Variants in CACNG3 observed in about 807,000 individuals in gnomAD.
CACNG3 encodes the protein voltage-dependent calcium channel gamma-3 subunit.
Under a neutral mutation model 28.5 loss-of-function variants are expected in CACNG3, and 3 were observed. That is an observed-to-expected ratio of 0.11 (90% CI 0.05 to 0.27). The LOEUF (loss-of-function observed/expected upper bound fraction) is 0.27, where lower values mean the gene tolerates loss of function less well. CACNG3 is among the 10% of genes least tolerant of loss of function. CACNG3 has a pLI of 1.00. For synonymous variants in CACNG3, 174 were observed against 162.2 expected, an observed-to-expected ratio of 1.07 and a Z score of -0.55; for missense variants, 236 against 414.4, an observed-to-expected ratio of 0.57 and a Z score of 3.74.
chr16:24,308,067 A>C (rs954826030), intron 1 of CACNG3, among the ~76,000 whole-genome samples: 1 of 152,108 alleles, frequency 6.6e-6, no homozygotes, highest in African/African-American at 2.4e-5. Context: ...CCCCCACGGC[A>C]CTCTGAACTG....
intron 1 of CACNG3, among the ~76,000 whole-genome samples, chr16:24,343,957 C>T (rs1455245929): frequency 6.6e-6 from 1 of 151,802 alleles, no homozygotes; most frequent in Non-Finnish European, 1.5e-5. Flanking sequence ...GGCATGGTGG[C>T]AGGCGCCTTT....
In CACNG3 at chr16:24,324,839, C is replaced by T. The variant is rs1474764634; in HGVS notation, c.212-21895C>T. Among the ~76,000 whole-genome samples the T allele has an allele frequency of 2.0e-5, 3 of 152,168 alleles. No individual in the cohort carries two copies. In the East Asian group the frequency reaches 5.8e-4, roughly 29 times the overall value. On this transcript the variant is annotated intron_variant, in intron 1 of 3. Transcript: ENST00000005284. ...CTACAAGGCCAGCCCTTCCTCTTCC[C>T]TCTGCCTGCACTGCTTGCCCTGATT...
At chr16:24,350,488 G>T (rs773820132) in intron 2 of CACNG3, among the ~76,000 whole-genome samples, 1 of 151,962 alleles carries the variant, frequency 6.6e-6, no homozygotes, top group East Asian at 1.9e-4. Context: ...TTTTTGTAGA[G>T]TTGGGGTCCC....
chr16:24,285,330 G>T (rs1053629266), intron 1 of CACNG3, among the ~76,000 whole-genome samples: 3 of 152,140 alleles, frequency 2.0e-5, no homozygotes, highest in South Asian at 2.1e-4. Context: ...TCTCTTCAAA[G>T]ATTATAAGAG....
chr16:24,327,885 T>C (rs1178100554), intron 1 of CACNG3, among the ~76,000 whole-genome samples: 2 of 152,070 alleles, frequency 1.3e-5, no homozygotes, highest in African/African-American at 4.8e-5. Context: ...GAGGCTGCAG[T>C]GAGCTATGAT....
chr16:24,339,966 A>G (rs889722792), intron 1 of CACNG3, among the ~76,000 whole-genome samples: 1 of 152,178 alleles, frequency 6.6e-6, no homozygotes, highest in Non-Finnish European at 1.5e-5. Flanking sequence ...TAGGGTGAAT[A>G]TGGTTAACAA....
At chr16:24,338,721 A>T (rs1899742958) in intron 1 of CACNG3, among the ~76,000 whole-genome samples, 2 of 152,262 alleles carry the variant, frequency 1.3e-5, no homozygotes, top group South Asian at 4.1e-4. Context: ...AGTTCTGAGG[A>T]TCAAGACCGT....
intron 1 of CACNG3, among the ~76,000 whole-genome samples, chr16:24,322,430 GC>G (rs1470243921): frequency 1.3e-5 from 2 of 151,940 alleles, no homozygotes; most frequent in African/African-American, 4.8e-5. Flanking sequence ...CTTCTCCTCT[GC>G]CCCCTCCCCA....
intron 1 of CACNG3, among the ~76,000 whole-genome samples, chr16:24,294,784 G>A (rs2238507): frequency 0.69 from 104,803 of 152,068 alleles, 36,243 homozygotes; most frequent in East Asian, 0.81. Flanking sequence ...CTTGCCTGCC[G>A]TAAGAGTCTT....
chr16:24,342,305 G>A (rs1281687046), intron 1 of CACNG3, among the ~76,000 whole-genome samples: 2 of 152,166 alleles, frequency 1.3e-5, no homozygotes, highest in East Asian at 3.9e-4. Context: ...AAATGCAGAA[G>A]CTTACTTAAT....
intron 1 of CACNG3, among the ~76,000 whole-genome samples, chr16:24,261,243 G>A (rs1380600786): frequency 2.0e-5 from 3 of 152,156 alleles, no homozygotes; most frequent in African/African-American, 7.2e-5. Context: ...GGCGGGTAAC[G>A]GTAGATTTGA....
chr16:24,335,720 G>A (rs1899693969), intron 1 of CACNG3, among the ~76,000 whole-genome samples: 1 of 152,068 alleles, frequency 6.6e-6, no homozygotes, highest in Non-Finnish European at 1.5e-5. Flanking sequence ...TACCCAAAGA[G>A]CCCTTACCCA....
chr16:24,284,533 GCATTTATAATTGGTGT>G (rs1331060564), intron 1 of CACNG3, among the ~76,000 whole-genome samples: 1 of 152,098 alleles, frequency 6.6e-6, no homozygotes, highest in African/African-American at 2.4e-5. Context: ...GTCTCCGACT[GCATTTATAATTGGTGT>G]CATTTCTTCC....
At chr16:24,288,542 T>C (rs1184199863) in intron 1 of CACNG3, among the ~76,000 whole-genome samples, 2 of 152,230 alleles carry the variant, frequency 1.3e-5, no homozygotes, top group Admixed American at 1.3e-4. Flanking sequence ...CATGCAACTG[T>C]ACAGAAGGCC....
At position 24,361,470 on chromosome 16, in the gene CACNG3, T is replaced by G; in HGVS notation, c.555T>G (p.Ser185=). 1 of 1,614,184 alleles carries G rather than the reference T, an allele frequency of 6.2e-7. No homozygotes were observed. The highest frequency in any genetic ancestry group is 1.1e-5 in the South Asian group (1 of 91,080). Residue 185 remains serine (S), a synonymous_variant, in exon 4 of 4, where the codon TCT becomes TCG. Coordinates refer to ENST00000005284, the MANE Select transcript of CACNG3 (RefSeq NM_006539.4). The surrounding 1 kb of genome is among the most constrained non-coding windows in gnomAD (Gnocchi z 6.8). ...YGWSFYFGAF[S]FIIAEIVGVV... is the part of the protein sequence containing the mutation. ...GGTCCTTTTATTTCGGAGCCTTCTC[T>G]TTCATCATCGCAGAAATTGTAGGAG...
chr16:24,346,956 A>C, intron 2 of CACNG3, 139 bp downstream of exon 2: 3 of 648,114 alleles, frequency 4.6e-6, no homozygotes, highest in Non-Finnish European at 8.2e-6. Context: ...GTGCCAGTAC[A>C]CAGAGACACT....
chr16:24,317,811 A>G (rs1367981187), intron 1 of CACNG3, among the ~76,000 whole-genome samples: 4 of 152,074 alleles, frequency 2.6e-5, no homozygotes, highest in African/African-American at 9.7e-5. Flanking sequence ...TCTGAAGCCA[A>G]CCTCCCTCTG....
At chr16:24,317,672 G>GAAAGAAAGAAAGAAAGAA in intron 1 of CACNG3, among the ~76,000 whole-genome samples, 1 of 96,464 alleles carries the variant, frequency 1.0e-5, no homozygotes, top group South Asian at 3.1e-4. Flanking sequence ...AAGAAAGAAA[G>GAAAGAAAGAAAGAAAGAA]AAAGAAAGAA....
chr16:24,307,849 C>T (rs148538877), intron 1 of CACNG3, among the ~76,000 whole-genome samples: 10 of 152,110 alleles, frequency 6.6e-5, no homozygotes, highest in African/African-American at 2.2e-4. Flanking sequence ...TTCATTGCAT[C>T]GTTGGATCCT....
Sources: gnomAD v4.1 joint callset for allele counts (sites outside exome capture counted in the v4.1 genomes callset) on GRCh38, gnomAD v4.1.1 for gene constraint, Gnocchi (gnomAD v3.1) non-coding constraint, MANE v1.5 for transcripts, NCBI Gene and HGNC (gene_info 2026-07-23, HGNC 2026-07-21) for gene names.